The following NR3C1 variants were observed in gnomAD, a reference collection of about 807,000 sequenced individuals.
NR3C1 encodes the protein glucocorticoid receptor.
Under a neutral mutation model 74.0 loss-of-function variants are expected in NR3C1, and 14 were observed. The observed-to-expected ratio is 0.19, with a 90% CI of 0.12 to 0.30. The LOEUF (loss-of-function observed/expected upper bound fraction) is 0.30. Among genes scored for constraint, NR3C1 ranks in the 10% least tolerant of loss-of-function variants. The pLI, the probability that NR3C1 is intolerant of heterozygous loss-of-function variation, is 1.00. For synonymous variants in NR3C1, 308 were observed against 332.5 expected (o/e 0.93, Z 0.80); for missense variants, 695 against 909.8 (o/e 0.76, Z 3.04).
chr5:143,359,488 C>T (rs1471035002), intron 2 of NR3C1, among the ~76,000 whole-genome samples: 2 of 152,148 alleles, frequency 1.3e-5, no homozygotes, highest in African/African-American at 4.8e-5. Context: ...GTACTCAGTC[C>T]TTCTGCCACT....
intron 2 of NR3C1, among the ~76,000 whole-genome samples, chr5:143,395,984 T>A (rs1839110859): frequency 1.3e-5 from 2 of 151,912 alleles, no homozygotes. Context: ...TCAGAATAAG[T>A]CTTTCATAAA....
chr5:143,435,262 C>A (rs1205291006), exon 1 of NR3C1: 7 of 985,296 alleles, frequency 7.1e-6, no homozygotes, highest in Admixed American at 6.1e-5. Flanking sequence ...TGGACACATG[C>A]GCATTTTACG....
intron 2 of NR3C1, among the ~76,000 whole-genome samples, chr5:143,355,615 A>C (rs988475891): frequency 1.1e-4 from 17 of 152,098 alleles, no homozygotes; most frequent in African/African-American, 3.9e-4. Flanking sequence ...GGGCAGAGAA[A>C]CTCCCAAATG....
intron 5 of NR3C1, among the ~76,000 whole-genome samples, chr5:143,299,669 C>T (rs368945935): frequency 3.2e-4 from 48 of 152,094 alleles, no homozygotes; most frequent in Admixed American, 2.0e-4. Context: ...GATCCTTACA[C>T]GTTGTATGCT....
chr5:143,357,378 A>C (rs1831337315), intron 2 of NR3C1, among the ~76,000 whole-genome samples: 1 of 152,252 alleles, frequency 6.6e-6, no homozygotes, highest in Non-Finnish European at 1.5e-5. Flanking sequence ...CAATTTAACA[A>C]AACTATATAT....
At chr5:143,428,863 C>T (rs992800576) in intron 1 of NR3C1, among the ~76,000 whole-genome samples, 5 of 152,188 alleles carry the variant, frequency 3.3e-5, no homozygotes, top group African/African-American at 1.2e-4. Context: ...CCACCCACTC[C>T]CCACCAAAGG....
At chr5:143,352,843 G>A (rs1461234578) in intron 2 of NR3C1, among the ~76,000 whole-genome samples, 3 of 152,168 alleles carry the variant, frequency 2.0e-5, no homozygotes, top group African/African-American at 7.2e-5. Flanking sequence ...TGATCAGAGA[G>A]GTGGTTGCTG....
rs755833578 is a variant in NR3C1 at position 143,400,751 on chromosome 5, T to C, written c.89A>G (p.Tyr30Cys). Residue 30 changes from tyrosine to cysteine, a missense_variant, in exon 2 of 9, where the codon TAT (tyrosine) becomes TGT (cysteine). Transcript: ENST00000394464. ...AGTAGCTCCTCCTCTTAGGGTTTTA[T>C]AGAAGTCCATCACATCTCCCCTCTC... ...AQERGDVMDF[Y>C]KTLRGGATVK... 11 of 1,614,092 alleles carry C rather than the reference T, an allele frequency of 6.8e-6. No individual in the cohort carries two copies. In the African/African-American group the frequency reaches 1.2e-4, roughly 18 times the overall value.
chr5:143,328,425 GTTACTTA>G (rs1028223979), intron 2 of NR3C1, among the ~76,000 whole-genome samples: 111 of 152,310 alleles, frequency 7.3e-4, no homozygotes, highest in African/African-American at 2.3e-3. Flanking sequence ...TTGGCTCCTT[GTTACTTA>G]TTACTTATTA....
At chr5:143,311,931 C>A (rs1426994410) in intron 3 of NR3C1, among the ~76,000 whole-genome samples, 2 of 115,424 alleles carry the variant, frequency 1.7e-5, no homozygotes, top group East Asian at 3.9e-4. Context: ...GTGCACAGCC[C>A]ATTTTCCTTG....
At chr5:143,412,402 C>T (rs570160495) in intron 1 of NR3C1, among the ~76,000 whole-genome samples, 7 of 152,226 alleles carry the variant, frequency 4.6e-5, no homozygotes, top group African/African-American at 1.7e-4. Context: ...ATGCCTTGAG[C>T]CTATCCCAAT....
At chr5:143,294,087 T>A (rs1387334261) in intron 7 of NR3C1, 2 of 984,614 alleles carry the variant, frequency 2.0e-6, no homozygotes, top group Admixed American at 1.2e-4. Context: ...TCCATTAACA[T>A]AAAATAACTT....
At chr5:143,358,278 T>C (rs10482635) in intron 2 of NR3C1, among the ~76,000 whole-genome samples, 47 of 152,296 alleles carry the variant, frequency 3.1e-4, no homozygotes, top group Non-Finnish European at 6.2e-4. Flanking sequence ...TAAGAGGACA[T>C]GAGAAAGGAA....
chr5:143,352,676 G>A (rs1023633225), intron 2 of NR3C1, among the ~76,000 whole-genome samples: 3 of 152,110 alleles, frequency 2.0e-5, no homozygotes, highest in Non-Finnish European at 4.4e-5. Context: ...ATACTATACT[G>A]TAGTCTATTA....
At chr5:143,282,147 CA>C (rs1813231054) in intron 8 of NR3C1, 106 bp from the exon 9 acceptor site, 8 of 1,150,156 alleles carry the variant, frequency 7.0e-6, no homozygotes, top group Non-Finnish European at 1.0e-5. Flanking sequence ...TAGAATATAC[CA>C]ATCTCACTGG....
intron 2 of NR3C1, among the ~76,000 whole-genome samples, chr5:143,331,582 C>T (rs1017891247): frequency 6.6e-6 from 1 of 152,164 alleles, no homozygotes; most frequent in Non-Finnish European, 1.5e-5. Context: ...TACATATACA[C>T]CATGGAATTC....
intron 2 of NR3C1, among the ~76,000 whole-genome samples, chr5:143,352,326 G>A (rs1423568414): frequency 6.6e-6 from 1 of 152,044 alleles, no homozygotes; most frequent in Non-Finnish European, 1.5e-5. Context: ...AGAAATAACA[G>A]CTATTAAAAG....
rs142450425 is a variant in NR3C1 at position 143,365,902 on chromosome 5, C to T, written c.1184+33754G>A. On this transcript the variant is annotated intron_variant, in intron 2 of 8. Transcript: ENST00000394464. ...AATCAACAAGTTCCTAAATAATAAA[C>T]GGGTTAGAGGGGGAAGAAATCACAA... Among the ~76,000 whole-genome samples the T allele has an allele frequency of 2.3e-3, 353 of 152,106 alleles. 1 individual carries two copies. The highest frequency in any genetic ancestry group is 8.1e-3 in the African/African-American group (335 of 41,498).
chr5:143,393,635 G>A (rs1473378012), intron 2 of NR3C1, among the ~76,000 whole-genome samples: 1 of 151,972 alleles, frequency 6.6e-6, no homozygotes, highest in Non-Finnish European at 1.5e-5. Flanking sequence ...ACATTAAAAC[G>A]ATAACATAAA....
Sources: allele counts gnomAD v4.1 joint callset (sites outside exome capture counted in the v4.1 genomes callset), GRCh38; gene constraint gnomAD v4.1.1; transcripts MANE v1.5; gene names NCBI Gene and HGNC (gene_info 2026-07-23, HGNC 2026-07-21).